The following SHROOM3 variants were observed in gnomAD, a reference collection of about 807,000 sequenced individuals.
SHROOM3 encodes the protein protein Shroom3.
SHROOM3 carries 47 observed loss-of-function variants against 138.6 expected under a neutral mutation model. That is an observed-to-expected ratio of 0.34 (90% CI 0.27 to 0.43). The LOEUF is 0.43. SHROOM3 is among the 20% of genes least tolerant of loss of function. The probability of loss-of-function intolerance (pLI) is 1.00; values close to 1 mark genes in which losing one functional copy is unlikely to be tolerated. For missense variants in SHROOM3, 2,491 were observed against 2,596.5 expected, an observed-to-expected ratio of 0.96 and a Z score of 0.88; for synonymous variants, 1,062 against 1,063.3, an observed-to-expected ratio of 1.00 and a Z score of 0.02.
chr4:76,767,476 G>A (rs1418034223), intron 9 of SHROOM3, among the ~76,000 whole-genome samples: 4 of 152,276 alleles, frequency 2.6e-5, no homozygotes, highest in East Asian at 1.9e-4. Flanking sequence ...TCAGGAGTTC[G>A]AGACCAGCCT....
intron 2 of SHROOM3, among the ~76,000 whole-genome samples, chr4:76,646,227 T>TAAATAAATAAATAA (rs1414512165): frequency 7.7e-6 from 1 of 130,528 alleles, no homozygotes; most frequent in South Asian, 2.5e-4. Flanking sequence ...AATAAATAAA[T>TAAATAAATAAATAA]ATATATATAT....
At chr4:76,649,559 C>T (rs1334749415) in intron 2 of SHROOM3, among the ~76,000 whole-genome samples, 1 of 152,140 alleles carries the variant, frequency 6.6e-6, no homozygotes, top group Non-Finnish European at 1.5e-5. Flanking sequence ...ATAAATTTGA[C>T]ATGGTGTTGT....
At chr4:76,615,770 ATTCACT>A (rs1255678846) in intron 2 of SHROOM3, among the ~76,000 whole-genome samples, 148 of 152,280 alleles carry the variant, frequency 9.7e-4, no homozygotes, top group African/African-American at 3.5e-3. Context: ...TCACATTCAC[ATTCACT>A]GGGATTTGAG....
intron 1 of SHROOM3, among the ~76,000 whole-genome samples, chr4:76,501,047 C>A (rs34001342): frequency 2.0e-5 from 3 of 151,976 alleles, no homozygotes; most frequent in East Asian, 1.9e-4. Flanking sequence ...GAGCTCCTGG[C>A]CCTCAAGAAA....
chr4:76,635,484 A>T (rs994443524), intron 2 of SHROOM3, among the ~76,000 whole-genome samples: 4 of 152,176 alleles, frequency 2.6e-5, no homozygotes, highest in African/African-American at 9.7e-5. Flanking sequence ...TGGTTGGGGT[A>T]TTTATTAAAT....
chr4:76,606,004 TA>T lies in SHROOM3; in HGVS notation c.323+50242del, dbSNP rs1419644708. Among the ~76,000 whole-genome samples the T allele has an allele frequency of 5.6e-3, 605 of 107,122 alleles. 7 individuals carry two copies. The highest frequency in any genetic ancestry group is 8.8e-3 in the East Asian group (35 of 3,964). 70.3% of individuals were successfully genotyped at this position (107,122 alleles called of 152,430 possible). A position where few individuals can be genotyped will look rare whatever the true frequency, so the allele number is the denominator to read the frequency against. On this transcript the variant is annotated intron_variant, in intron 2 of 10. Transcript: ENST00000296043. The stretch of plus-strand genomic sequence containing the variant: ...ACACACACACACATATATATATATA[TA>T]TATTTTTTTTTTTTTTTTTTTTTTT...
At chr4:76,480,998 T>C (rs979440892) in intron 1 of SHROOM3, among the ~76,000 whole-genome samples, 2 of 152,148 alleles carry the variant, frequency 1.3e-5, no homozygotes, top group African/African-American at 2.4e-5. Flanking sequence ...TAGAGGGAAA[T>C]TTATAGCACT....
intron 1 of SHROOM3, among the ~76,000 whole-genome samples, chr4:76,541,740 G>A (rs945114662): frequency 6.6e-6 from 1 of 152,060 alleles, no homozygotes; most frequent in African/African-American, 2.4e-5. Context: ...ACTAGTTTGG[G>A]GCTGGAACTG....
intron 1 of SHROOM3, among the ~76,000 whole-genome samples, chr4:76,522,291 A>G (rs1487053976): frequency 1.3e-5 from 2 of 148,810 alleles, no homozygotes; most frequent in South Asian, 2.1e-4. Flanking sequence ...ACTAATAAAT[A>G]TTATATACTA....
chr4:76,612,826 G>C (rs1195990277), intron 2 of SHROOM3, among the ~76,000 whole-genome samples: 1 of 152,154 alleles, frequency 6.6e-6, no homozygotes, highest in African/African-American at 2.4e-5. Context: ...TGTAGTCCCA[G>C]CTACTTGGGA....
At position 76,741,689 on chromosome 4, in the gene SHROOM3, C is replaced by T. The variant is rs1303099618; in HGVS notation, c.3516C>T (p.Ser1172=). Residue 1172 remains serine, a synonymous_variant, in exon 5 of 11, where the codon AGC becomes AGT. Coordinates refer to ENST00000296043, the MANE Select transcript of SHROOM3 (RefSeq NM_020859.4). This position sits in a 1 kb window ranked among gnomAD's most constrained non-coding sequence, Gnocchi z 6.2. ...AGCAGGCTCCCCGAGATCGCAGCAG[C>T]TCCTTCGCCGGTGGCCGCCGCCTCG... is the stretch of plus-strand genomic sequence containing the variant. ...ETQQAPRDRS[S]SFAGGRRLGE... 2 of 1,552,484 alleles carry T rather than the reference C, an allele frequency of 1.3e-6. No individual in the cohort carries two copies. The highest frequency in any genetic ancestry group is 1.7e-6 in the Non-Finnish European group (2 of 1,150,554).
intron 2 of SHROOM3, among the ~76,000 whole-genome samples, chr4:76,694,798 A>G (rs1347227948): frequency 6.6e-6 from 1 of 152,258 alleles, no homozygotes; most frequent in Non-Finnish European, 1.5e-5. Context: ...AGTACTTACT[A>G]GGAGTCAAGC....
At chr4:76,630,525 C>T (rs1272553105) in intron 2 of SHROOM3, among the ~76,000 whole-genome samples, 1 of 152,156 alleles carries the variant, frequency 6.6e-6, no homozygotes, top group Non-Finnish European at 1.5e-5. Context: ...AAGGGAGAGT[C>T]GGAGAGAGCC....
At chr4:76,505,730 A>G (rs143577161) in intron 1 of SHROOM3, among the ~76,000 whole-genome samples, 4 of 148,706 alleles carry the variant, frequency 2.7e-5, no homozygotes, top group African/African-American at 1.0e-4. Flanking sequence ...GCATGATCAT[A>G]GCTCACTGCA....
intron 9 of SHROOM3, among the ~76,000 whole-genome samples, chr4:76,763,348 C>T (rs1346550237): frequency 1.3e-5 from 2 of 151,746 alleles, no homozygotes; most frequent in East Asian, 1.9e-4. Context: ...GATCGTGCCA[C>T]TGCACTCCAG....
chr4:76,586,498 C>G (rs1340116817), intron 2 of SHROOM3: 2 of 979,354 alleles, frequency 2.0e-6, no homozygotes, highest in Non-Finnish European at 2.4e-6. Flanking sequence ...AACGATTTCT[C>G]GATGACATTA....
chr4:76,629,848 G>A (rs912019939), intron 2 of SHROOM3, among the ~76,000 whole-genome samples: 6 of 152,166 alleles, frequency 3.9e-5, no homozygotes, highest in Non-Finnish European at 8.8e-5. Flanking sequence ...CTAAAATTGG[G>A]TGCAGATGTT....
intron 2 of SHROOM3, among the ~76,000 whole-genome samples, chr4:76,637,075 G>A (rs1317503775): frequency 6.6e-6 from 1 of 152,170 alleles, no homozygotes; most frequent in African/African-American, 2.4e-5. Flanking sequence ...GCTTAAAGTT[G>A]TAGTTTTTAA....
intron 1 of SHROOM3, among the ~76,000 whole-genome samples, chr4:76,461,565 A>G (rs1199631895): frequency 2.0e-5 from 3 of 152,242 alleles, no homozygotes; most frequent in African/African-American, 7.2e-5. Flanking sequence ...TTTGCATGAT[A>G]TTCTAAATGA....
Sources: gnomAD v4.1 joint callset for allele counts (sites outside exome capture counted in the v4.1 genomes callset) on GRCh38, gnomAD v4.1.1 for gene constraint, Gnocchi (gnomAD v3.1) non-coding constraint, MANE v1.5 for transcripts, NCBI Gene and HGNC (gene_info 2026-07-23, HGNC 2026-07-21) for gene names.